The following ELL variants were observed in gnomAD, a reference collection of about 807,000 sequenced individuals.
ELL encodes RNA polymerase II elongation factor ELL.
In ELL, 18 loss-of-function variants were observed where a neutral mutation model predicts 64.0. The observed-to-expected ratio is 0.28, with a 90% CI of 0.19 to 0.42. ELL has a LOEUF of 0.42. Among genes scored for constraint, ELL ranks in the 10% least tolerant of loss-of-function variants. ELL has a pLI of 1.00. For missense variants in ELL, 797 were observed against 870.4 expected, an observed-to-expected ratio of 0.92 and a Z score of 1.06; for synonymous variants, 399 against 376.2, an observed-to-expected ratio of 1.06 and a Z score of -0.70.
At chr19:18,488,011 G>C (rs1975454862) in intron 1 of ELL, among the ~76,000 whole-genome samples, 1 of 152,162 alleles carries the variant, frequency 6.6e-6, no homozygotes, top group Non-Finnish European at 1.5e-5. Flanking sequence ...AACCAGGCTG[G>C]CAAGTGTCCA....
chr19:18,472,893 A>G lies in ELL; in HGVS notation c.136-11T>C. ...CAGTGAAACAGAATCCTATAAAAAA[A>G]AAAAAAAAAAAAAAAAGGTGAGGGG... On this transcript the variant is annotated splice_polypyrimidine_tract_variant and intron_variant, in intron 1 of 11. Transcript: ENST00000262809. 6.4e-7 allele frequency: 1 copy of G among 1,560,698 alleles called. No individual in the cohort carries two copies. The highest frequency in any genetic ancestry group is 8.6e-7 in the Non-Finnish European group (1 of 1,164,078).
intron 1 of ELL, among the ~76,000 whole-genome samples, chr19:18,502,145 G>A (rs767263558): frequency 1.3e-5 from 2 of 152,102 alleles, no homozygotes; most frequent in Non-Finnish European, 2.9e-5. Context: ...ACAGCTCCAC[G>A]GGGCAGGAGC....
At chr19:18,472,741 C>T in intron 2 of ELL, 94 bp downstream of exon 2, 1 of 1,464,760 alleles carries the variant, frequency 6.8e-7, no homozygotes, top group Non-Finnish European at 9.3e-7. Context: ...CCAAACACTG[C>T]CATGAGCTGC....
chr19:18,459,314 C>G (rs1441937591), intron 5 of ELL, among the ~76,000 whole-genome samples: 1 of 152,210 alleles, frequency 6.6e-6, no homozygotes, highest in Non-Finnish European at 1.5e-5. Flanking sequence ...TTGACCAAAG[C>G]TAAGTTCGTC....
Position 18,501,948 on chromosome 19 carries a change from G to A in ELL, c.135+19973C>T, listed in dbSNP as rs8107351. On this transcript the variant is annotated intron_variant, in intron 1 of 11. Transcript: ENST00000262809. The surrounding 1 kb of genome is among the most constrained non-coding windows in gnomAD (Gnocchi z 4.5). ...AGAGGAAGAAACACTGGGGCCTGGC[G>A]GGCAGGTCCTGGGGCCTCATGAGGG... Among the ~76,000 whole-genome samples the A allele has an allele frequency of 0.46, 69,629 of 151,546 alleles. 18,394 individuals carry two copies. Among genetic ancestry groups the A allele is most frequent in the African/African-American group, 0.74 (30,679 of 41,222 alleles).
At chr19:18,513,856 G>T (rs866689357) in intron 1 of ELL, among the ~76,000 whole-genome samples, 1 of 152,220 alleles carries the variant, frequency 6.6e-6, no homozygotes, top group Admixed American at 6.5e-5. Flanking sequence ...GCATGAACCT[G>T]GGAGGCAGAG....
chr19:18,466,828 G>A (rs1275941333), intron 2 of ELL, among the ~76,000 whole-genome samples: 2 of 152,208 alleles, frequency 1.3e-5, no homozygotes, highest in Admixed American at 1.3e-4. Context: ...GGAGCCCTCA[G>A]GTCTTGTCCC....
chr19:18,483,422 C>T (rs1183648259), intron 1 of ELL, among the ~76,000 whole-genome samples: 2 of 152,186 alleles, frequency 1.3e-5, no homozygotes, highest in Non-Finnish European at 2.9e-5. Context: ...TCCATTCCTG[C>T]GTCATAGCTG....
At chr19:18,506,813 A>C (rs1475261162) in intron 1 of ELL, among the ~76,000 whole-genome samples, 1 of 152,176 alleles carries the variant, frequency 6.6e-6, no homozygotes, top group Non-Finnish European at 1.5e-5. Flanking sequence ...CAGAGATTAG[A>C]GGGAACTCTC....
chr19:18,455,749 G>A (rs916350440), intron 6 of ELL, among the ~76,000 whole-genome samples: 1 of 151,930 alleles, frequency 6.6e-6, no homozygotes, highest in Non-Finnish European at 1.5e-5. Context: ...AGTAAATTAA[G>A]AGACAGGATG....
At chr19:18,458,382 A>C (rs1206841594) in intron 5 of ELL, 53 bp from the exon 6 acceptor site, 2 of 1,584,302 alleles carry the variant, frequency 1.3e-6, no homozygotes, top group East Asian at 4.5e-5. Flanking sequence ...GAGACGGGGG[A>C]CTAGAGAAAA....
chr19:18,472,519 T>C, intron 2 of ELL: 1 of 373,214 alleles, frequency 2.7e-6, no homozygotes, highest in Non-Finnish European at 4.8e-6. Flanking sequence ...TGTGGGCAGT[T>C]CCTAACCAGT....
intron 2 of ELL, chr19:18,472,525 C>A: frequency 2.6e-6 from 1 of 383,864 alleles, no homozygotes. Context: ...CAGTTCCTAA[C>A]CAGTCCAGTG....
intron 1 of ELL, among the ~76,000 whole-genome samples, chr19:18,509,613 A>G (rs868631331): frequency 0.097 from 8,440 of 86,934 alleles, 907 homozygotes; most frequent in African/African-American, 0.37. Context: ...ACACACACAC[A>G]CACACACACA....
chr19:18,502,537 A>G (rs1341198260), intron 1 of ELL, among the ~76,000 whole-genome samples: 1 of 152,222 alleles, frequency 6.6e-6, no homozygotes, highest in Non-Finnish European at 1.5e-5. Context: ...GCAGACGTTT[A>G]TAACTAAAAG....
intron 1 of ELL, among the ~76,000 whole-genome samples, chr19:18,505,042 CA>C (rs1286409668): frequency 6.6e-6 from 1 of 152,218 alleles, no homozygotes; most frequent in Non-Finnish European, 1.5e-5. Flanking sequence ...AGCAGCAGGT[CA>C]AGGTTCAGGA....
intron 5 of ELL, 37 bp from the exon 6 acceptor site, chr19:18,458,366 C>T: frequency 6.3e-7 from 1 of 1,595,860 alleles, no homozygotes; most frequent in East Asian, 2.3e-5. Flanking sequence ...TGTGGGAATC[C>T]TGAGAGAGAC....
rs550249624 is a variant in ELL, at chr19:18,506,039, C to A, written c.135+15882G>T. 1.2e-4 allele frequency among the ~76,000 whole-genome samples: 18 copies of A among 152,296 alleles called. No individual in the cohort carries two copies. The East Asian group carries it at 3.1e-3, about 26-fold the overall frequency. ...GCCCCCCATGCTGGCCCTCAGCCAT[C>A]CCTGGGACAACAGTCTAGACACCCA... On this transcript the variant is annotated intron_variant, in intron 1 of 11. Coordinates refer to ENST00000262809, the MANE Select transcript of ELL (RefSeq NM_006532.4).
At chr19:18,487,168 T>C (rs951728822) in intron 1 of ELL, among the ~76,000 whole-genome samples, 5 of 152,112 alleles carry the variant, frequency 3.3e-5, no homozygotes, top group African/African-American at 7.2e-5. Flanking sequence ...TTCTGAGCCA[T>C]TGCCCATATG....
Sources: gnomAD v4.1 joint callset for allele counts (sites outside exome capture counted in the v4.1 genomes callset) on GRCh38, gnomAD v4.1.1 for gene constraint, Gnocchi (gnomAD v3.1) non-coding constraint, MANE v1.5 for transcripts, NCBI Gene and HGNC (gene_info 2026-07-23, HGNC 2026-07-21) for gene names.